ZFPM2: variants seen among roughly 807,000 people sequenced by gnomAD.
ZFPM2 encodes the protein zinc finger protein ZFPM2.
A neutral mutation model predicts 98.6 loss-of-function variants in ZFPM2; 20 were observed. That is an observed-to-expected ratio of 0.20 (90% confidence interval 0.14 to 0.29). The LOEUF is 0.29. Ranked by LOEUF, ZFPM2 falls within the 10% of genes least tolerant of loss-of-function variation. The probability of loss-of-function intolerance (pLI) is 1.00; values close to 1 mark genes in which losing one functional copy is unlikely to be tolerated. For synonymous variants in ZFPM2, 518 were observed against 502.7 expected (o/e 1.03, Z -0.41); for missense variants, 1,310 against 1,388.6 (o/e 0.94, Z 0.90).
At chr8:105,561,520 G>T in intron 4 of ZFPM2, 39 bp downstream of exon 4, 2 of 1,468,396 alleles carry the variant, frequency 1.4e-6, no homozygotes, top group South Asian at 1.3e-5. Context: ...TTTTGTCATC[G>T]ACTGTTAGTA....
At chr8:105,418,902 T>G in intron 1 of ZFPM2, 1 of 579,190 alleles carries the variant, frequency 1.7e-6, no homozygotes, top group Admixed American at 2.8e-5. Context: ...GGGGACGCAA[T>G]GGAGATGCAG....
chr8:105,508,799 A>T (rs79640893), intron 3 of ZFPM2, among the ~76,000 whole-genome samples: 1 of 142,996 alleles, frequency 7.0e-6, no homozygotes, highest in African/African-American at 2.6e-5. Context: ...AAACGTTCAG[A>T]TTTTTTTTTT....
chr8:105,453,394 C>T (rs1266457156), intron 3 of ZFPM2, among the ~76,000 whole-genome samples: 3 of 152,180 alleles, frequency 2.0e-5, no homozygotes, highest in Admixed American at 1.3e-4. Context: ...GGGGCCAGCC[C>T]AGTCTGGTAG....
At position 105,395,582 on chromosome 8, in the gene ZFPM2, A is replaced by G. The variant is rs559735881; in HGVS notation, c.41-23562A>G. On this transcript the variant is annotated intron_variant, in intron 1 of 7. Coordinates refer to ENST00000407775, the MANE Select transcript of ZFPM2 (RefSeq NM_012082.4). ...TGATGTTTTATTTCAAGGGATCAAA[A>G]TGAGCACACTTCTCCCATGTTGATC... is the stretch of plus-strand genomic sequence containing the variant. Among the ~76,000 whole-genome samples the G allele has an allele frequency of 8.9e-4, 135 of 152,136 alleles. 1 individual carries two copies. The highest frequency in any genetic ancestry group is 3.2e-3 in the Middle Eastern group (1 of 316).
At chr8:105,711,922 G>A (rs891026659) in intron 5 of ZFPM2, among the ~76,000 whole-genome samples, 2 of 151,866 alleles carry the variant, frequency 1.3e-5, no homozygotes, top group African/African-American at 4.8e-5. Context: ...TATCTATTGT[G>A]GTCTTTTTGT....
At chr8:105,670,495 CAAAAAA>C (rs1160128174) in intron 5 of ZFPM2, among the ~76,000 whole-genome samples, 2 of 49,276 alleles carry the variant, frequency 4.1e-5, no homozygotes, top group African/African-American at 7.9e-5. Flanking sequence ...GAGTCCATCT[CAAAAAA>C]AAAAAAAAAA....
At chr8:105,476,669 C>G (rs1813018126) in intron 3 of ZFPM2, among the ~76,000 whole-genome samples, 1 of 152,126 alleles carries the variant, frequency 6.6e-6, no homozygotes, top group Admixed American at 6.5e-5. Flanking sequence ...TGTATTATTA[C>G]TAGTGATTTG....
chr8:105,663,839 G>C (rs759332700), intron 5 of ZFPM2, among the ~76,000 whole-genome samples: 6 of 152,168 alleles, frequency 3.9e-5, no homozygotes, highest in African/African-American at 4.8e-5. Context: ...CTGTCATTGT[G>C]ATTTGTTTTT....
chr8:105,676,684 C>T (rs1810476989), intron 5 of ZFPM2, among the ~76,000 whole-genome samples: 1 of 151,502 alleles, frequency 6.6e-6, no homozygotes, highest in Non-Finnish European at 1.5e-5. Flanking sequence ...ACCAAAATAT[C>T]TGAATGGACA....
intron 5 of ZFPM2, among the ~76,000 whole-genome samples, chr8:105,676,314 A>G (rs538546881): frequency 6.6e-6 from 1 of 152,312 alleles, no homozygotes; most frequent in Non-Finnish European, 1.5e-5. Flanking sequence ...TTGTTTGTAA[A>G]AAATTGAGTT....
chr8:105,713,714 T>C (rs1209665953), intron 5 of ZFPM2, among the ~76,000 whole-genome samples: 1 of 152,066 alleles, frequency 6.6e-6, no homozygotes, highest in Non-Finnish European at 1.5e-5. Flanking sequence ...ATTGAATAGA[T>C]AGTCCTTTCC....
At chr8:105,339,202 G>A (rs1812381493) in intron 1 of ZFPM2, among the ~76,000 whole-genome samples, 1 of 151,590 alleles carries the variant, frequency 6.6e-6, no homozygotes, top group African/African-American at 2.4e-5. Flanking sequence ...CCTCACTACC[G>A]ACACCGAACA....
At chr8:105,774,206 G>A (rs1440182825) in intron 5 of ZFPM2, among the ~76,000 whole-genome samples, 2 of 152,104 alleles carry the variant, frequency 1.3e-5, no homozygotes, top group Non-Finnish European at 2.9e-5. Context: ...GTGCCTGTGT[G>A]CCACTCCCAC....
intron 4 of ZFPM2, among the ~76,000 whole-genome samples, chr8:105,599,414 C>A (rs1816044902): frequency 8.2e-6 from 1 of 122,606 alleles, no homozygotes; most frequent in African/African-American, 2.8e-5. Flanking sequence ...AAAATGAAGG[C>A]TGTGGTGTTC....
At chr8:105,791,403 C>A (rs942552046) in intron 6 of ZFPM2, among the ~76,000 whole-genome samples, 1 of 152,080 alleles carries the variant, frequency 6.6e-6, no homozygotes, top group Non-Finnish European at 1.5e-5. Flanking sequence ...TACTGATTTG[C>A]GTATATTGAA....
intron 4 of ZFPM2, among the ~76,000 whole-genome samples, chr8:105,597,121 G>T (rs934836013): frequency 9.2e-5 from 14 of 151,918 alleles, no homozygotes; most frequent in South Asian, 8.3e-4. Flanking sequence ...AAAAAAAAAT[G>T]CATTATTAAT....
At chr8:105,319,986 C>T (rs761814259) in intron 1 of ZFPM2, among the ~76,000 whole-genome samples, 1 of 152,096 alleles carries the variant, frequency 6.6e-6, no homozygotes, top group Admixed American at 6.5e-5. Flanking sequence ...AAGAAAAAAC[C>T]TTATTAGTTT....
At chr8:105,688,622 C>A (rs1013214073) in intron 5 of ZFPM2, among the ~76,000 whole-genome samples, 1 of 151,870 alleles carries the variant, frequency 6.6e-6, no homozygotes, top group African/African-American at 2.4e-5. Flanking sequence ...TTGTTGAAAA[C>A]AAATATGATA....
At chr8:105,359,880 T>C (rs1469511133) in intron 1 of ZFPM2, among the ~76,000 whole-genome samples, 1 of 152,258 alleles carries the variant, frequency 6.6e-6, no homozygotes, top group African/African-American at 2.4e-5. Context: ...CTGATTCAGC[T>C]GAACTGATTA....
Sources: allele counts gnomAD v4.1 joint callset (sites outside exome capture counted in the v4.1 genomes callset), GRCh38; gene constraint gnomAD v4.1.1; transcripts MANE v1.5; gene names NCBI Gene and HGNC (gene_info 2026-07-23, HGNC 2026-07-21).